Variants in NECTIN3 observed in about 807,000 individuals in gnomAD.
The protein encoded by NECTIN3 is nectin cell adhesion molecule 3.
A neutral mutation model predicts 49.4 loss-of-function variants in NECTIN3; 8 were observed. The ratio of observed to expected loss-of-function variants is 0.16; its 90% confidence interval spans 0.10 to 0.29. The LOEUF (loss-of-function observed/expected upper bound fraction) is 0.29. Ranked by LOEUF, NECTIN3 falls within the 10% of genes least tolerant of loss-of-function variation. NECTIN3 has a pLI of 1.00. For synonymous variants in NECTIN3, 277 were observed against 241.1 expected, an observed-to-expected ratio of 1.15 and a Z score of -1.38; for missense variants, 581 against 654.6, an observed-to-expected ratio of 0.89 and a Z score of 1.23.
rs76559714 is a variant in NECTIN3, at chr3:111,178,629, C to T, written c.1222-13722C>T. On this transcript the variant is annotated intron_variant, in intron 7 of 8. Coordinates refer to the NECTIN3 transcript ENST00000493615. The stretch of plus-strand genomic sequence containing the variant: ...AAGTAACTTAGACTCGTACGGATGA[C>T]GATAAACCAGAGCATGTGGCAAAGC... Among the ~76,000 whole-genome samples, 269 of 152,314 alleles carry T rather than the reference C, an allele frequency of 1.8e-3. 2 individuals are homozygous for T. Among genetic ancestry groups the T allele is most frequent in the African/African-American group, 6.0e-3 (251 of 41,572 alleles).
intron 1 of NECTIN3, among the ~76,000 whole-genome samples, chr3:111,088,760 T>G (rs1480575344): frequency 2.6e-5 from 4 of 152,202 alleles, no homozygotes; most frequent in Non-Finnish European, 5.9e-5. Context: ...TCCACATATG[T>G]TTATGAATTG....
rs919390419 is a variant in NECTIN3, at chr3:111,134,652, A to G, written c.*437A>G. Reference sequence around the variant, plus strand: ...TATCACCACTCAATGACACTGCATCAAAATTGACTATAAAACTAATTCAAG... The same window carrying G: ...TATCACCACTCAATGACACTGCATCGAAATTGACTATAAAACTAATTCAAG... On this transcript the variant is annotated 3_prime_UTR_variant, in exon 6 of 6. Transcript: ENST00000485303. 13 of 867,540 alleles carry G rather than the reference A, an allele frequency of 1.5e-5. No homozygotes were observed. Among genetic ancestry groups the G allele is most frequent in the East Asian group, 2.4e-4 (2 of 8,240 alleles). 53.7% of individuals were successfully genotyped at this position (867,540 alleles called of 1,614,324 possible).
At chr3:111,117,054 A>G (rs947347902) in intron 2 of NECTIN3, among the ~76,000 whole-genome samples, 1 of 152,102 alleles carries the variant, frequency 6.6e-6, no homozygotes, top group Admixed American at 6.6e-5. Flanking sequence ...TGAAACAGGA[A>G]CTCCATTGTC....
At chr3:111,117,051 G>A (rs955745019) in intron 2 of NECTIN3, among the ~76,000 whole-genome samples, 20 of 152,122 alleles carry the variant, frequency 1.3e-4, no homozygotes, top group African/African-American at 4.8e-4. Flanking sequence ...AGATGAAACA[G>A]GAACTCCATT....
intron 7 of NECTIN3, among the ~76,000 whole-genome samples, chr3:111,173,549 T>A (rs918983521): frequency 6.6e-6 from 1 of 152,204 alleles, no homozygotes; most frequent in Non-Finnish European, 1.5e-5. Flanking sequence ...GAACAATCAC[T>A]TCTCCCTGTA....
At chr3:111,184,367 T>C (rs1454466234) in intron 7 of NECTIN3, among the ~76,000 whole-genome samples, 1 of 152,242 alleles carries the variant, frequency 6.6e-6, no homozygotes, top group Admixed American at 6.5e-5. Flanking sequence ...TCTAATCACC[T>C]TCTACCTTCA....
chr3:111,141,034 C>T (rs892399436), downstream of NECTIN3, among the ~76,000 whole-genome samples: 1 of 151,840 alleles, frequency 6.6e-6, no homozygotes, highest in African/African-American at 2.4e-5. Context: ...GCATTCCTGG[C>T]ACTTAGCACA....
intron 7 of NECTIN3, among the ~76,000 whole-genome samples, chr3:111,158,084 T>A (rs2035133912): frequency 6.6e-6 from 1 of 152,108 alleles, no homozygotes; most frequent in African/African-American, 2.4e-5. Context: ...CAAGATTTTC[T>A]TCTTGAAAAT....
intron 1 of NECTIN3, chr3:111,075,272 A>T (rs1443216832): frequency 6.6e-6 from 1 of 152,094 alleles, no homozygotes; most frequent in African/African-American, 2.4e-5. Flanking sequence ...CAATGAAAAA[A>T]ACAGTCATTT....
chr3:111,139,560 C>T (rs1207121398), downstream of NECTIN3, among the ~76,000 whole-genome samples: 1 of 151,678 alleles, frequency 6.6e-6, no homozygotes, highest in African/African-American at 2.4e-5. Context: ...AAAGTACATG[C>T]CTACTTTTTT....
At chr3:111,141,844 T>A (rs922014163), downstream of NECTIN3, among the ~76,000 whole-genome samples, 1 of 152,006 alleles carries the variant, frequency 6.6e-6, no homozygotes, top group African/African-American at 2.4e-5. Context: ...TGGTAATGTT[T>A]CATGTCATTC....
chr3:111,160,211 T>C (rs946934747), intron 7 of NECTIN3, among the ~76,000 whole-genome samples: 3 of 152,230 alleles, frequency 2.0e-5, no homozygotes, highest in Non-Finnish European at 2.9e-5. Context: ...CTTCCATTTC[T>C]GCATGTACGT....
At chr3:111,158,666 A>T (rs961841755) in intron 7 of NECTIN3, among the ~76,000 whole-genome samples, 1 of 152,112 alleles carries the variant, frequency 6.6e-6, no homozygotes, top group African/African-American at 2.4e-5. Context: ...TGATTGTTAA[A>T]CCATGTGTGC....
intron 7 of NECTIN3, among the ~76,000 whole-genome samples, chr3:111,167,200 T>C (rs912566483): frequency 6.6e-6 from 1 of 152,196 alleles, no homozygotes; most frequent in African/African-American, 2.4e-5. Flanking sequence ...GAGATAACTC[T>C]ACATCTGGAG....
intron 1 of NECTIN3, among the ~76,000 whole-genome samples, chr3:111,095,513 A>G (rs1317483616): frequency 6.6e-6 from 1 of 152,228 alleles, no homozygotes; most frequent in African/African-American, 2.4e-5. Context: ...AAAAGACTCC[A>G]GACATCTAAT....
intron 1 of NECTIN3, chr3:111,075,213 TGC>T (rs1055107852): frequency 1.3e-5 from 2 of 152,102 alleles, no homozygotes; most frequent in African/African-American, 4.8e-5. Flanking sequence ...TATTTTGATT[TGC>T]CCGGAAATGG....
Position 111,134,698 on chromosome 3 carries a change from T to C in NECTIN3, c.*483T>C. 1.2e-6 allele frequency: 1 copy of C among 859,580 alleles called. No individual in the cohort carries two copies. Among genetic ancestry groups the C allele is most frequent in the Non-Finnish European group, 1.4e-6 (1 of 715,610 alleles). 53.2% of individuals were successfully genotyped at this position (859,580 alleles called of 1,614,324 possible). ...TCAAGAAATATTTATATATATTTTT[T>C]AATATACAAAAAATATTTAGCCTGA... is the stretch of plus-strand genomic sequence containing the variant. On this transcript the variant is annotated 3_prime_UTR_variant, in exon 6 of 6. Transcript: ENST00000485303.
At chr3:111,129,319 T>G (rs370461068) in intron 5 of NECTIN3, among the ~76,000 whole-genome samples, 1 of 152,148 alleles carries the variant, frequency 6.6e-6, no homozygotes, top group Non-Finnish European at 1.5e-5. Context: ...TGTAACCCCA[T>G]GTATTGCCAT....
At chr3:111,113,136 G>T (rs2033543780) in intron 2 of NECTIN3, among the ~76,000 whole-genome samples, 1 of 152,122 alleles carries the variant, frequency 6.6e-6, no homozygotes, top group Admixed American at 6.6e-5. Flanking sequence ...AGTTTTCAGG[G>T]CTATTCTTTT....
Sources: allele counts gnomAD v4.1 joint callset (sites outside exome capture counted in the v4.1 genomes callset), GRCh38; gene constraint gnomAD v4.1.1; transcripts MANE v1.5; gene names NCBI Gene and HGNC (gene_info 2026-07-23, HGNC 2026-07-21).